GLB1: variants seen among roughly 807,000 people sequenced by gnomAD.
GLB1 encodes the protein galactosidase beta 1, also known as beta-galactosidase.
A neutral mutation model predicts 74.0 loss-of-function variants in GLB1; 56 were observed. The observed-to-expected ratio is 0.76, with a 90% CI of 0.61 to 0.94. GLB1 has a LOEUF of 0.94. Among genes scored for constraint, GLB1 ranks in the 40% least tolerant of loss-of-function variants. The pLI is 0.00. For missense variants in GLB1, 787 were observed against 845.5 expected (o/e 0.93, Z 0.86); for synonymous variants, 323 against 323.6 (o/e 1.00, Z 0.02).
chr3:33,057,944 GTATTC>G (rs1699286407), intron 6 of GLB1, 140 bp downstream of exon 6: 1 of 1,101,936 alleles, frequency 9.1e-7, no homozygotes, highest in Non-Finnish European at 1.3e-6. Flanking sequence ...AGGGGTGCAA[GTATTC>G]TATTCTACCT....
At chr3:32,991,452 C>T in the GLB1 span, among the ~76,000 whole-genome samples, 1 of 152,144 alleles carries the variant, frequency 6.6e-6, no homozygotes, top group Admixed American at 6.5e-5. Flanking sequence ...TTAAAAATGG[C>T]CACACATTCT....
chr3:33,000,300 T>C (rs749829635), intron 15 of GLB1, among the ~76,000 whole-genome samples: 1 of 152,220 alleles, frequency 6.6e-6, no homozygotes, highest in African/African-American at 2.4e-5. Context: ...TCATGGGATA[T>C]GCATGTGTCC....
At chr3:32,980,184 C>T in the GLB1 span, among the ~76,000 whole-genome samples, 340 of 152,300 alleles carry the variant, frequency 2.2e-3, 7 homozygotes, top group East Asian at 0.05. Context: ...ATTTTAACTT[C>T]GAAACCGTTA....
chr3:32,974,884 T>C, the GLB1 span, among the ~76,000 whole-genome samples: 2 of 152,140 alleles, frequency 1.3e-5, no homozygotes, highest in African/African-American at 4.8e-5. Flanking sequence ...GTTAGTGCCA[T>C]CCAGATACAC....
intron 10 of GLB1, among the ~76,000 whole-genome samples, chr3:33,026,408 G>C (rs1345902395): frequency 6.6e-6 from 1 of 152,184 alleles, no homozygotes; most frequent in Non-Finnish European, 1.5e-5. Context: ...AGGGGGTGCT[G>C]AGGGCAGCTC....
At chr3:33,022,654 C>G (rs1483359000) in intron 11 of GLB1, among the ~76,000 whole-genome samples, 2 of 137,930 alleles carry the variant, frequency 1.5e-5, no homozygotes, top group Non-Finnish European at 3.0e-5. Context: ...TCACTGTAAC[C>G]TCCTCCTCCC....
chr3:33,016,981 T>G, intron 13 of GLB1, 141 bp from the exon 14 acceptor site: 1 of 1,381,542 alleles, frequency 7.2e-7, no homozygotes, highest in South Asian at 1.4e-5. Flanking sequence ...TGATAGCATC[T>G]TAGCCCAAGT....
chr3:33,092,580 G>C (rs115764170), intron 1 of GLB1: 1 of 1,255,360 alleles, frequency 8.0e-7, no homozygotes, highest in Non-Finnish European at 1.0e-6. Context: ...AAATAGAGGG[G>C]AGTGCTAATA....
chr3:33,088,110 T>C (rs1185515149), intron 1 of GLB1, among the ~76,000 whole-genome samples: 1 of 151,910 alleles, frequency 6.6e-6, no homozygotes, highest in African/African-American at 2.4e-5. Context: ...AGAAGAAAAC[T>C]ACCTCCACAT....
the GLB1 span, among the ~76,000 whole-genome samples, chr3:32,987,710 G>C: frequency 6.6e-6 from 1 of 152,290 alleles, no homozygotes; most frequent in East Asian, 1.9e-4. Context: ...CTTTTAAAAA[G>C]AGACTGAGAG....
At chr3:33,081,793 G>A (rs528415641) in intron 1 of GLB1, among the ~76,000 whole-genome samples, 70 of 152,330 alleles carry the variant, frequency 4.6e-4, no homozygotes, top group Middle Eastern at 3.4e-3. Flanking sequence ...CTTATGCAGT[G>A]GCTCATAAGC....
chr3:32,979,869 A>AG, the GLB1 span, among the ~76,000 whole-genome samples: 1 of 141,602 alleles, frequency 7.1e-6, no homozygotes, highest in Non-Finnish European at 1.5e-5. Context: ...AAAAAAAAAA[A>AG]AAAAAAAAAG....
At chr3:33,049,782 C>G (rs1698900777) in intron 9 of GLB1, among the ~76,000 whole-genome samples, 2 of 152,184 alleles carry the variant, frequency 1.3e-5, no homozygotes, top group Admixed American at 6.5e-5. Context: ...TCCCCTCACC[C>G]ACCCAGACAC....
intron 14 of GLB1, among the ~76,000 whole-genome samples, chr3:33,016,360 C>T (rs1697236066): frequency 6.6e-6 from 1 of 152,160 alleles, no homozygotes; most frequent in African/African-American, 2.4e-5. Context: ...AATAGCTCAA[C>T]TACTTCTTTT....
chr3:33,011,807 C>A (rs1266608594), intron 15 of GLB1, among the ~76,000 whole-genome samples: 1 of 152,186 alleles, frequency 6.6e-6, no homozygotes, highest in Non-Finnish European at 1.5e-5. Context: ...TTCTCCTCTT[C>A]TTCAGAATTA....
chr3:32,999,912 A>G (rs1203717825), intron 15 of GLB1, among the ~76,000 whole-genome samples: 1 of 151,540 alleles, frequency 6.6e-6, no homozygotes. Context: ...CGGCCTCCCA[A>G]AGTGTTGGGA....
At chr3:32,999,260 T>G (rs1332740774) in intron 15 of GLB1, among the ~76,000 whole-genome samples, 2 of 152,202 alleles carry the variant, frequency 1.3e-5, no homozygotes, top group Non-Finnish European at 2.9e-5. Flanking sequence ...AATGACAGCT[T>G]TAGCAGGTTT....
At chr3:33,054,600 C>T (rs1000444186) in intron 6 of GLB1, among the ~76,000 whole-genome samples, 1 of 152,138 alleles carries the variant, frequency 6.6e-6, no homozygotes, top group Non-Finnish European at 1.5e-5. Context: ...CAAATATTTG[C>T]CAGTTAATTA....
At chr3:33,057,468 C>A (rs1699266229) in intron 6 of GLB1, among the ~76,000 whole-genome samples, 1 of 152,202 alleles carries the variant, frequency 6.6e-6, no homozygotes, top group Non-Finnish European at 1.5e-5. Context: ...AGCATCCTAA[C>A]CACATTGCCC....
Sources: allele counts gnomAD v4.1 joint callset (sites outside exome capture counted in the v4.1 genomes callset), GRCh38; gene constraint gnomAD v4.1.1; transcripts MANE v1.5; gene names NCBI Gene and HGNC (gene_info 2026-07-23, HGNC 2026-07-21).